Variants in TXNRD1 observed in about 807,000 individuals in gnomAD.
The protein encoded by TXNRD1 is thioredoxin reductase 1, cytoplasmic.
TXNRD1 carries 57 observed loss-of-function variants against 80.3 expected under a neutral mutation model. The ratio of observed to expected loss-of-function variants is 0.71; its 90% CI spans 0.57 to 0.89. The LOEUF is 0.89. TXNRD1 is among the 40% of genes least tolerant of loss of function. TXNRD1 has a pLI of 0.00. For synonymous variants in TXNRD1, 291 were observed against 285.2 expected (o/e 1.02, Z -0.20); for missense variants, 730 against 803.0 (o/e 0.91, Z 1.10).
chr12:104,309,624 C>A, intron 4 of TXNRD1: 1 of 495,686 alleles, frequency 2.0e-6, no homozygotes, highest in Non-Finnish European at 3.5e-6. Context: ...GAACATCTAA[C>A]TGGATTTATT....
chr12:104,273,650 A>G lies in TXNRD1; in HGVS notation c.305-15281A>G, dbSNP rs146921211. Among the ~76,000 whole-genome samples, 902 of 152,310 alleles carry G rather than the reference A, an allele frequency of 5.9e-3. 7 individuals carry two copies. Among genetic ancestry groups the G allele is most frequent in the Non-Finnish European group, 8.9e-3 (607 of 68,026 alleles). The stretch of plus-strand genomic sequence containing the variant: ...CAAGAATGCTCGCGCCACCCTCAGC[A>G]GCATCAGACACAGGATCCTCAAGAG... On this transcript the variant is annotated intron_variant, in intron 3 of 16. Transcript: ENST00000525566.
At chr12:104,345,216 A>G (rs556864505) in intron 16 of TXNRD1, among the ~76,000 whole-genome samples, 94 of 152,344 alleles carry the variant, frequency 6.2e-4, no homozygotes, top group African/African-American at 2.2e-3. Context: ...GTACATTGTC[A>G]GTGAATTTCA....
rs1356877693 is a variant in TXNRD1, at chr12:104,313,298, C to G, written c.591C>G (p.Thr197=). Residue 197 remains threonine, a synonymous_variant, in exon 6 of 17, where the codon ACC becomes ACG. Coordinates refer to ENST00000525566, the MANE Select transcript of TXNRD1 (RefSeq NM_001093771.3). ...KVMVLDFVTP[T]PLGTRWGLGG... is the part of the protein sequence containing the mutation. ...TGGTCCTGGACTTTGTCACTCCCAC[C>G]CCTCTTGGAACTAGATGGGGTAAGC... The G allele has an allele frequency of 3.8e-6, 6 of 1,591,034 alleles. No individual in the cohort carries two copies. The highest frequency in any genetic ancestry group is 1.8e-5 in the Admixed American group (1 of 56,984).
At chr12:104,262,418 G>C (rs1419383549) in intron 3 of TXNRD1, 1 of 152,086 alleles carries the variant, frequency 6.6e-6, no homozygotes, top group Non-Finnish European at 1.5e-5. Context: ...TCATGTCTTC[G>C]AGGAGCTTGT....
intron 14 of TXNRD1, 50 bp downstream of exon 14, chr12:104,331,691 T>C: frequency 8.0e-7 from 1 of 1,255,936 alleles, no homozygotes; most frequent in Non-Finnish European, 1.1e-6. Flanking sequence ...CTTTTTTTTC[T>C]TCAGAATTTA....
In TXNRD1 at chr12:104,330,761, A is replaced by G. The variant is rs2035921765; in HGVS notation, c.1543-773A>G. On this transcript the variant is annotated intron_variant, in intron 13 of 16. Coordinates refer to ENST00000525566, the MANE Select transcript of TXNRD1 (RefSeq NM_001093771.3). ...GCCACCACGCCCAGCTAATTTTTGT[A>G]TTTTTTAGTAGAGATGGGGTTTCAC... Among the ~76,000 whole-genome samples, 4 of 151,570 alleles carry G rather than the reference A, an allele frequency of 2.6e-5. No individual in the cohort carries two copies. In the South Asian group the frequency reaches 8.3e-4, roughly 32 times the overall value.
At chr12:104,224,554 T>G (rs1017553629) in intron 1 of TXNRD1, among the ~76,000 whole-genome samples, 1 of 151,862 alleles carries the variant, frequency 6.6e-6, no homozygotes. Flanking sequence ...CCCAGCTAAT[T>G]TTTGTTTTTT....
intron 3 of TXNRD1, among the ~76,000 whole-genome samples, chr12:104,269,645 G>C (rs1283150591): frequency 6.6e-6 from 1 of 151,950 alleles, no homozygotes; most frequent in Non-Finnish European, 1.5e-5. Flanking sequence ...TCGGCTCACA[G>C]TAACCTCTGC....
rs1379435736 is a variant in TXNRD1, at chr12:104,331,602, G to A, written c.1611G>A (p.Glu537=). The A allele has an allele frequency of 1.2e-6, 2 of 1,612,492 alleles. No homozygotes were observed. The highest frequency in any genetic ancestry group is 3.3e-5 in the Admixed American group (2 of 59,966). Residue 537 remains glutamate (E), a synonymous_variant, in exon 14 of 17, where the codon GAG becomes GAA. Transcript: ENST00000525566. ...AATATGGTGCTTGTGGCCTTTCTGA[G>A]GAGAAAGCTGTGGAGAAGTTTGGGG... ...PLEYGACGLS[E]EKAVEKFGEE...
intron 3 of TXNRD1, chr12:104,265,893 GAAAAAAAA>G (rs34390973): frequency 8.2e-5 from 47 of 575,554 alleles, no homozygotes; most frequent in Non-Finnish European, 5.6e-5. Context: ...CGCCCCGGTG[GAAAAAAAA>G]AAAAAAAAAA....
chr12:104,275,902 C>G (rs1243512387), intron 3 of TXNRD1, among the ~76,000 whole-genome samples: 7 of 152,184 alleles, frequency 4.6e-5, no homozygotes, highest in African/African-American at 1.7e-4. Context: ...TTTCCACAAT[C>G]ACCACATGAA....
At chr12:104,322,771 T>C (rs1408524011) in intron 10 of TXNRD1, among the ~76,000 whole-genome samples, 2 of 152,204 alleles carry the variant, frequency 1.3e-5, no homozygotes, top group Admixed American at 6.5e-5. Flanking sequence ...GCTGTACTGA[T>C]AGAAAGTAAC....
intron 6 of TXNRD1, among the ~76,000 whole-genome samples, chr12:104,313,807 T>C (rs1321466675): frequency 6.6e-6 from 1 of 152,234 alleles, no homozygotes; most frequent in Non-Finnish European, 1.5e-5. Context: ...GTTCATGCCC[T>C]TGTGAAGCTT....
At chr12:104,329,191 A>G (rs1047738614) in intron 13 of TXNRD1, among the ~76,000 whole-genome samples, 2 of 152,196 alleles carry the variant, frequency 1.3e-5, no homozygotes, top group Non-Finnish European at 2.9e-5. Context: ...TAAATTTAAC[A>G]AGACTACCTC....
chr12:104,239,893 T>C (rs1037007723), intron 1 of TXNRD1, among the ~76,000 whole-genome samples: 1 of 152,228 alleles, frequency 6.6e-6, no homozygotes, highest in Non-Finnish European at 1.5e-5. Flanking sequence ...ACTGTTAATA[T>C]GAGCAGTCTA....
chr12:104,346,109 C>A, intron 16 of TXNRD1: 2 of 732,434 alleles, frequency 2.7e-6, no homozygotes, highest in Non-Finnish European at 4.1e-6. Flanking sequence ...ACCTTTCAAG[C>A]TCAAGCGATG....
At chr12:104,217,984 A>C (rs537709293) in intron 1 of TXNRD1, among the ~76,000 whole-genome samples, 1 of 152,128 alleles carries the variant, frequency 6.6e-6, no homozygotes, top group South Asian at 2.1e-4. Flanking sequence ...ACACACATAT[A>C]TACACACACA....
At chr12:104,328,739 A>G (rs1403116456) in intron 13 of TXNRD1, among the ~76,000 whole-genome samples, 2 of 140,396 alleles carry the variant, frequency 1.4e-5, no homozygotes, top group African/African-American at 5.4e-5. Context: ...AGCCTGGGTG[A>G]CAGAGTGAGA....
intron 13 of TXNRD1, among the ~76,000 whole-genome samples, chr12:104,328,699 C>T (rs1483805181): frequency 1.4e-5 from 2 of 147,806 alleles, no homozygotes; most frequent in East Asian, 4.0e-4. Context: ...GCGGAGCTTG[C>T]CGTGAGCCGA....
Sources: gnomAD v4.1 joint callset for allele counts (sites outside exome capture counted in the v4.1 genomes callset) on GRCh38, gnomAD v4.1.1 for gene constraint, MANE v1.5 for transcripts, NCBI Gene and HGNC (gene_info 2026-07-23, HGNC 2026-07-21) for gene names.